PRDM6: variants seen among roughly 807,000 people sequenced by gnomAD.
PRDM6 encodes the protein putative histone-lysine N-methyltransferase PRDM6.
Under a neutral mutation model 60.8 loss-of-function variants are expected in PRDM6, and 25 were observed. That is an observed-to-expected ratio of 0.41 (90% CI 0.30 to 0.57). PRDM6 has a LOEUF of 0.57. Among genes scored for constraint, PRDM6 ranks in the 20% least tolerant of loss-of-function variants. The pLI is 0.27. For synonymous variants in PRDM6, 407 were observed against 357.4 expected, an observed-to-expected ratio of 1.14 and a Z score of -1.57; for missense variants, 839 against 821.3, an observed-to-expected ratio of 1.02 and a Z score of -0.26.
intron 3 of PRDM6, among the ~76,000 whole-genome samples, chr5:123,153,141 T>C (rs2126870600): frequency 6.6e-6 from 1 of 151,782 alleles, no homozygotes; most frequent in Middle Eastern, 3.4e-3. Flanking sequence ...TAACAGATAG[T>C]TTTTAACATT....
chr5:123,168,071 T>C (rs1457972348), intron 5 of PRDM6, among the ~76,000 whole-genome samples: 1 of 152,232 alleles, frequency 6.6e-6, no homozygotes, highest in African/African-American at 2.4e-5. Context: ...AAAACATTCC[T>C]TCTTGTCGTT....
intron 3 of PRDM6, among the ~76,000 whole-genome samples, chr5:123,106,999 T>C (rs947473732): frequency 2.6e-5 from 4 of 152,198 alleles, no homozygotes; most frequent in African/African-American, 9.6e-5. Context: ...GGTCTCAAGG[T>C]CAGGTGGACT....
Position 123,189,002 on chromosome 5 carries a change from A to G in PRDM6, c.*1801A>G, listed in dbSNP as rs547715738. 3 of 152,176 alleles carry G rather than the reference A, an allele frequency of 2.0e-5. No individual in the cohort carries two copies. Among genetic ancestry groups the G allele is most frequent in the African/African-American group, 7.2e-5 (3 of 41,438 alleles). The allele number at this position is 152,176 out of a possible 1,614,324, so 9.4% of individuals were successfully genotyped here. A position where few individuals can be genotyped will look rare whatever the true frequency, so the allele number is the denominator to read the frequency against. ...GGCTAATTCTGACCTCTGTTGCCCAATCTCAAGCCATTCACCTAGAATTTT... is the reference window on the plus strand; with the variant it reads ...GGCTAATTCTGACCTCTGTTGCCCAGTCTCAAGCCATTCACCTAGAATTTT... On this transcript the variant is annotated 3_prime_UTR_variant, in exon 8 of 8. Transcript: ENST00000407847.
intron 4 of PRDM6, among the ~76,000 whole-genome samples, chr5:123,158,183 G>A (rs984846478): frequency 2.0e-5 from 3 of 152,200 alleles, no homozygotes; most frequent in Admixed American, 6.5e-5. Context: ...CATTTGCTGG[G>A]CGCAGTGTTT....
chr5:123,094,999 A>ATT (rs1319928096), intron 2 of PRDM6, among the ~76,000 whole-genome samples: 1 of 152,220 alleles, frequency 6.6e-6, no homozygotes, highest in Non-Finnish European at 1.5e-5. Context: ...AGCTTTTGCG[A>ATT]TTCGCGGGGA....
chr5:123,179,794 T>C (rs1296973712), intron 6 of PRDM6, among the ~76,000 whole-genome samples: 2 of 152,232 alleles, frequency 1.3e-5, no homozygotes, highest in African/African-American at 4.8e-5. Flanking sequence ...GAGACAATTA[T>C]ATATTTTCTC....
chr5:123,151,435 C>T (rs1410608439), intron 3 of PRDM6, among the ~76,000 whole-genome samples: 2 of 152,088 alleles, frequency 1.3e-5, no homozygotes, highest in African/African-American at 4.8e-5. Context: ...ATTTACAGGA[C>T]TGAATGAGGT....
chr5:123,182,726 G>A (rs1405929009), intron 7 of PRDM6, among the ~76,000 whole-genome samples: 1 of 152,154 alleles, frequency 6.6e-6, no homozygotes, highest in East Asian at 1.9e-4. Flanking sequence ...GAAAAAAAAG[G>A]AAACAACTAA....
intron 3 of PRDM6, among the ~76,000 whole-genome samples, chr5:123,107,813 C>A (rs980690718): frequency 1.2e-4 from 18 of 152,128 alleles, no homozygotes; most frequent in African/African-American, 4.1e-4. Context: ...TCAGGAAGTC[C>A]AGTGGTTTGG....
intron 3 of PRDM6, among the ~76,000 whole-genome samples, chr5:123,122,220 C>G (rs1363374919): frequency 2.1e-5 from 3 of 140,878 alleles, no homozygotes; most frequent in Non-Finnish European, 4.6e-5. Flanking sequence ...CCTGCTGAAT[C>G]AGAATCATCA....
At chr5:123,178,150 G>A (rs1363690667) in intron 6 of PRDM6, among the ~76,000 whole-genome samples, 1 of 151,742 alleles carries the variant, frequency 6.6e-6, no homozygotes, top group African/African-American at 2.4e-5. Context: ...AGGATGGATT[G>A]ACTTCTGACT....
chr5:123,158,902 G>A (rs779391791), intron 4 of PRDM6, among the ~76,000 whole-genome samples: 2 of 151,752 alleles, frequency 1.3e-5, no homozygotes, highest in South Asian at 2.1e-4. Flanking sequence ...TCACTGTATC[G>A]TTTCAGAGTG....
At chr5:123,152,921 C>T (rs185126137) in intron 3 of PRDM6, among the ~76,000 whole-genome samples, 4 of 152,204 alleles carry the variant, frequency 2.6e-5, no homozygotes, top group Admixed American at 2.6e-4. Context: ...TGTGTGATGT[C>T]CCAATAAATA....
At chr5:123,164,088 G>C (rs529227204) in intron 5 of PRDM6, among the ~76,000 whole-genome samples, 43 of 152,240 alleles carry the variant, frequency 2.8e-4, no homozygotes, top group African/African-American at 8.4e-4. Flanking sequence ...ATCTGTGCAG[G>C]GCCCCAGGGG....
intron 3 of PRDM6, among the ~76,000 whole-genome samples, chr5:123,118,336 G>A (rs1229062821): frequency 6.6e-6 from 1 of 152,208 alleles, no homozygotes; most frequent in Non-Finnish European, 1.5e-5. Context: ...CTGATATTAA[G>A]AAATAAGGCT....
At chr5:123,174,000 A>C (rs566360792) in intron 6 of PRDM6, among the ~76,000 whole-genome samples, 2 of 152,232 alleles carry the variant, frequency 1.3e-5, no homozygotes, top group African/African-American at 4.8e-5. Context: ...GAACCTTTTT[A>C]TGGTTATTAT....
intron 5 of PRDM6, among the ~76,000 whole-genome samples, chr5:123,166,151 C>T (rs1324148876): frequency 6.6e-6 from 1 of 152,236 alleles, no homozygotes; most frequent in Non-Finnish European, 1.5e-5. Flanking sequence ...GCCTTCCTCT[C>T]AAGCCTCGGC....
intron 5 of PRDM6, among the ~76,000 whole-genome samples, chr5:123,163,466 G>A (rs887181929): frequency 5.9e-5 from 9 of 152,224 alleles, no homozygotes; most frequent in African/African-American, 2.2e-4. Context: ...TGCCCGGACA[G>A]CTCATTGAAA....
chr5:123,136,987 A>G (rs1014119873), intron 3 of PRDM6, among the ~76,000 whole-genome samples: 4 of 152,202 alleles, frequency 2.6e-5, no homozygotes, highest in African/African-American at 4.8e-5. Flanking sequence ...TTCTAACTGT[A>G]TAATCTTGTG....
Sources: allele counts gnomAD v4.1 joint callset (sites outside exome capture counted in the v4.1 genomes callset), GRCh38; gene constraint gnomAD v4.1.1; transcripts MANE v1.5; gene names NCBI Gene and HGNC (gene_info 2026-07-23, HGNC 2026-07-21).